Variants in KCNIP4 observed in about 807,000 individuals in gnomAD.
The protein encoded by KCNIP4 is potassium voltage-gated channel interacting protein 4.
KCNIP4 carries 12 observed loss-of-function variants against 34.0 expected under a neutral mutation model. The observed-to-expected ratio is 0.35, with a 90% CI of 0.23 to 0.57. The LOEUF (loss-of-function observed/expected upper bound fraction) is 0.57. Ranked by LOEUF, KCNIP4 falls within the 20% of genes least tolerant of loss-of-function variation. KCNIP4 has a pLI of 0.83. For missense variants in KCNIP4, 238 were observed against 311.7 expected (o/e 0.76, Z 1.78); for synonymous variants, 124 against 102.2 (o/e 1.21, Z -1.29).
chr4:21,405,317 C>T (rs1723887315), intron 1 of KCNIP4, among the ~76,000 whole-genome samples: 1 of 152,152 alleles, frequency 6.6e-6, no homozygotes, highest in African/African-American at 2.4e-5. Flanking sequence ...ATACCCATCA[C>T]AATGGTCATG....
At chr4:21,350,121 T>G (rs16870905) in intron 1 of KCNIP4, among the ~76,000 whole-genome samples, 5,182 of 152,202 alleles carry the variant, frequency 0.034, 226 homozygotes, top group East Asian at 0.2. Flanking sequence ...TTCACCAATT[T>G]TGGTATGTTA....
chr4:21,106,323 G>C (rs909462558), intron 1 of KCNIP4, among the ~76,000 whole-genome samples: 5 of 151,640 alleles, frequency 3.3e-5, no homozygotes, highest in Non-Finnish European at 7.4e-5. Context: ...TTAGTCTTGG[G>C]AGGAGGGTGT....
chr4:21,184,462 A>T (rs1247309517), intron 1 of KCNIP4, among the ~76,000 whole-genome samples: 5 of 152,166 alleles, frequency 3.3e-5, no homozygotes, highest in Non-Finnish European at 7.3e-5. Flanking sequence ...AGAAATTTTC[A>T]GGGGACTAGA....
intron 1 of KCNIP4, among the ~76,000 whole-genome samples, chr4:20,936,844 C>T (rs1731118077): frequency 6.6e-6 from 1 of 152,154 alleles, no homozygotes. Context: ...AGCAATAAAA[C>T]CACAGTTATT....
chr4:21,382,130 T>G (rs562826868), intron 1 of KCNIP4, among the ~76,000 whole-genome samples: 2 of 152,236 alleles, frequency 1.3e-5, no homozygotes, highest in African/African-American at 4.8e-5. Context: ...CCAACAGAGA[T>G]AACAGCACAT....
chr4:21,015,629 T>TATTAATATAATATAATATAGTATGTTGC (rs1739446779), intron 1 of KCNIP4, among the ~76,000 whole-genome samples: 2 of 122,896 alleles, frequency 1.6e-5, no homozygotes, highest in Non-Finnish European at 1.6e-5. Context: ...TAGTATATTG[T>TATTAATATAATATAATATAGTATGTTGC]ATTAATATAA....
chr4:21,768,422 A>G (rs1718563705), intron 1 of KCNIP4, among the ~76,000 whole-genome samples: 1 of 152,112 alleles, frequency 6.6e-6, no homozygotes, highest in Non-Finnish European at 1.5e-5. Flanking sequence ...CCAAATGATT[A>G]TAAAGCAGGG....
chr4:21,802,722 T>C (rs774914262), intron 1 of KCNIP4, among the ~76,000 whole-genome samples: 2 of 152,146 alleles, frequency 1.3e-5, no homozygotes, highest in Non-Finnish European at 2.9e-5. Flanking sequence ...AGTGGATGAA[T>C]GGAAGGCTGA....
chr4:21,298,606 A>C (rs1271669025), intron 1 of KCNIP4, among the ~76,000 whole-genome samples: 1 of 152,118 alleles, frequency 6.6e-6, no homozygotes, highest in Non-Finnish European at 1.5e-5. Context: ...TCTCAGTTTG[A>C]GAATAAACAT....
intron 3 of KCNIP4, among the ~76,000 whole-genome samples, chr4:20,768,833 A>G (rs1416449290): frequency 6.6e-6 from 1 of 152,170 alleles, no homozygotes; most frequent in Non-Finnish European, 1.5e-5. Context: ...CTGCAGATTA[A>G]AAAAAGAAAC....
chr4:21,394,880 T>A (rs537828961), intron 1 of KCNIP4, among the ~76,000 whole-genome samples: 1 of 152,176 alleles, frequency 6.6e-6, no homozygotes, highest in Non-Finnish European at 1.5e-5. Flanking sequence ...ATAAATTAGC[T>A]CTCATGCTTT....
intron 3 of KCNIP4, among the ~76,000 whole-genome samples, chr4:20,835,864 C>T (rs1213782348): frequency 6.6e-6 from 1 of 152,152 alleles, no homozygotes; most frequent in Non-Finnish European, 1.5e-5. Context: ...TATATTGTTG[C>T]TCTTTCCCTC....
intron 1 of KCNIP4, among the ~76,000 whole-genome samples, chr4:21,148,766 C>T (rs1313465853): frequency 6.6e-6 from 1 of 151,508 alleles, no homozygotes; most frequent in Non-Finnish European, 1.5e-5. Context: ...CAATTTATCC[C>T]TACTGAAAAG....
At chr4:21,906,776 C>T (rs1728025676) in intron 1 of KCNIP4, among the ~76,000 whole-genome samples, 1 of 152,168 alleles carries the variant, frequency 6.6e-6, no homozygotes, top group African/African-American at 2.4e-5. Context: ...GCCCTGATAA[C>T]ATCTAAATGT....
intron 1 of KCNIP4, among the ~76,000 whole-genome samples, chr4:21,015,930 A>AT (rs948754710): frequency 2.1e-5 from 3 of 143,432 alleles, no homozygotes; most frequent in Non-Finnish European, 4.6e-5. Context: ...ATATATATAA[A>AT]TTTTTTTTTA....
intron 1 of KCNIP4, among the ~76,000 whole-genome samples, chr4:21,597,909 T>C (rs1742782304): frequency 6.6e-6 from 1 of 152,030 alleles, no homozygotes; most frequent in African/African-American, 2.4e-5. Context: ...AACATATATT[T>C]AGCTATAAAG....
chr4:21,310,987 A>T (rs1164919472), intron 1 of KCNIP4, among the ~76,000 whole-genome samples: 2 of 152,208 alleles, frequency 1.3e-5, no homozygotes, highest in African/African-American at 4.8e-5. Flanking sequence ...TGGCAGAGGC[A>T]GTACAATGCA....
In KCNIP4 at chr4:21,100,115, CAGA is replaced by C. The variant is rs919130556; in HGVS notation, c.62-217409_62-217407del. On this transcript the variant is annotated intron_variant, in intron 1 of 8. Coordinates refer to ENST00000382152, the MANE Select transcript of KCNIP4 (RefSeq NM_025221.6). ...GAATATTACACAAACTTCGATAAAGCAGAAGAAGGGTTTTGAGAGTCGACTCCA... is the reference window on the plus strand; with the variant it reads ...GAATATTACACAAACTTCGATAAAGCAGAAGGGTTTTGAGAGTCGACTCCA... Among the ~76,000 whole-genome samples the C allele has an allele frequency of 9.5e-4, 145 of 152,262 alleles. No individual in the cohort carries two copies. In the Middle Eastern group the frequency reaches 0.01, roughly 11 times the overall value.
intron 1 of KCNIP4, among the ~76,000 whole-genome samples, chr4:21,425,593 TA>T (rs1162009896): frequency 1.3e-5 from 2 of 152,206 alleles, no homozygotes; most frequent in African/African-American, 4.8e-5. Flanking sequence ...TCAAATTACA[TA>T]TTTGAACGTA....
Sources: allele counts gnomAD v4.1 joint callset (sites outside exome capture counted in the v4.1 genomes callset), GRCh38; gene constraint gnomAD v4.1.1; transcripts MANE v1.5; gene names NCBI Gene and HGNC (gene_info 2026-07-23, HGNC 2026-07-21).